The following TUSC3 variants were observed in gnomAD, a reference collection of about 807,000 sequenced individuals.
The protein encoded by TUSC3 is dolichyl-diphosphooligosaccharide--protein glycosyltransferase subunit TUSC3.
Under a neutral mutation model 44.8 loss-of-function variants are expected in TUSC3, and 45 were observed. That is an observed-to-expected ratio of 1.00 (90% CI 0.79 to 1.29). The LOEUF is 1.29. Ranked by LOEUF, TUSC3 falls within the 50% of genes most tolerant of loss-of-function variation. TUSC3 has a pLI of 0.00. For missense variants in TUSC3, 519 were observed against 437.9 expected (o/e 1.19, Z -1.65); for synonymous variants, 212 against 152.9 (o/e 1.39, Z -2.85).
intron 6 of TUSC3, among the ~76,000 whole-genome samples, chr8:15,718,683 C>A (rs949934613): frequency 2.6e-5 from 4 of 152,062 alleles, no homozygotes; most frequent in African/African-American, 9.6e-5. Context: ...ATTTTGGTGA[C>A]CTCTTTAATT....
intron 2 of TUSC3, among the ~76,000 whole-genome samples, chr8:15,492,175 G>C (rs1030563912): frequency 1.3e-5 from 2 of 152,134 alleles, no homozygotes; most frequent in Admixed American, 6.5e-5. Context: ...TATGTGCAGG[G>C]GGTTGTGGAG....
At chr8:15,493,912 A>C (rs1168274900) in intron 2 of TUSC3, among the ~76,000 whole-genome samples, 1 of 152,204 alleles carries the variant, frequency 6.6e-6, no homozygotes, top group Non-Finnish European at 1.5e-5. Flanking sequence ...TCCACTAAAA[A>C]GACCAATAAA....
intron 1 of TUSC3, among the ~76,000 whole-genome samples, chr8:15,562,868 A>G (rs1802530806): frequency 6.6e-6 from 1 of 152,168 alleles, no homozygotes; most frequent in Admixed American, 6.5e-5. Context: ...AGGCTAATCC[A>G]GGATAATCTC....
chr8:15,578,376 C>G (rs1473915041), intron 1 of TUSC3, among the ~76,000 whole-genome samples: 2 of 122,524 alleles, frequency 1.6e-5, no homozygotes. Context: ...TGAGAGAGGG[C>G]ATCCCTGTCT....
intron 1 of TUSC3, among the ~76,000 whole-genome samples, chr8:15,441,065 T>G (rs1036390554): frequency 1.3e-5 from 2 of 152,224 alleles, no homozygotes; most frequent in African/African-American, 4.8e-5. Context: ...TTTCTTTCAT[T>G]TGCAACTAAA....
At chr8:15,833,453 T>G in the TUSC3 span, among the ~76,000 whole-genome samples, 2 of 152,144 alleles carry the variant, frequency 1.3e-5, no homozygotes, top group African/African-American at 4.8e-5. Flanking sequence ...GACAAGGAAT[T>G]AACCTAAATG....
chr8:15,751,284 C>T (rs1238038781), intron 9 of TUSC3, among the ~76,000 whole-genome samples: 1 of 152,136 alleles, frequency 6.6e-6, no homozygotes, highest in East Asian at 1.9e-4. Flanking sequence ...AGCTAGGTGT[C>T]TCAGATGTTG....
chr8:15,708,722 T>G (rs1246536684), intron 6 of TUSC3, among the ~76,000 whole-genome samples: 1 of 151,922 alleles, frequency 6.6e-6, no homozygotes, highest in Non-Finnish European at 1.5e-5. Context: ...CTGTCTAGCA[T>G]TAGTCTAGAT....
intron 5 of TUSC3, among the ~76,000 whole-genome samples, chr8:15,666,879 CAG>C (rs1274864927): frequency 1.3e-5 from 2 of 151,446 alleles, no homozygotes; most frequent in Non-Finnish European, 1.5e-5. Context: ...GTTAGGAAAA[CAG>C]AAAATAAAAT....
chr8:15,496,174 T>C (rs868020722), intron 2 of TUSC3, among the ~76,000 whole-genome samples: 2 of 152,174 alleles, frequency 1.3e-5, no homozygotes, highest in Admixed American at 6.5e-5. Flanking sequence ...TGATGTACTC[T>C]CTGGGTCTCA....
At chr8:15,434,505 A>T (rs549553918) in intron 1 of TUSC3, among the ~76,000 whole-genome samples, 1 of 145,726 alleles carries the variant, frequency 6.9e-6, no homozygotes, top group South Asian at 2.2e-4. Context: ...GAAATATTCT[A>T]TGTGCTCAAA....
At chr8:15,535,219 T>C (rs1366127636) in intron 2 of TUSC3, among the ~76,000 whole-genome samples, 1 of 152,228 alleles carries the variant, frequency 6.6e-6, no homozygotes, top group Non-Finnish European at 1.5e-5. Context: ...TGAGACTATA[T>C]AGTTCTTGGA....
intron 2 of TUSC3, among the ~76,000 whole-genome samples, chr8:15,520,604 G>T (rs73536445): frequency 2.0e-5 from 3 of 152,114 alleles, no homozygotes; most frequent in Admixed American, 2.0e-4. Flanking sequence ...ACCAATATTT[G>T]TATTGCATGT....
chr8:15,576,451 C>T, intron 1 of TUSC3, among the ~76,000 whole-genome samples: 3 of 88,374 alleles, frequency 3.4e-5, no homozygotes, highest in Admixed American at 1.5e-4. Flanking sequence ...CCAATGCTAT[C>T]CCTCCCCCCC....
chr8:15,760,387 A>C (rs755912759), intron 10 of TUSC3, among the ~76,000 whole-genome samples: 1 of 152,172 alleles, frequency 6.6e-6, no homozygotes, highest in Admixed American at 6.6e-5. Flanking sequence ...ATTCTACAAT[A>C]TATATGATTT....
chr8:15,771,739 A>G, the TUSC3 span, among the ~76,000 whole-genome samples: 4 of 152,178 alleles, frequency 2.6e-5, no homozygotes, highest in Admixed American at 1.3e-4. Flanking sequence ...CATTTATGAG[A>G]TACACAAAAA....
chr8:15,524,953 C>T (rs1801354151), intron 2 of TUSC3, among the ~76,000 whole-genome samples: 1 of 152,160 alleles, frequency 6.6e-6, no homozygotes, highest in African/African-American at 2.4e-5. Context: ...AAAAGGGGGC[C>T]TCTGGCCTCT....
At chr8:15,627,429 G>A (rs899178210) in intron 2 of TUSC3, among the ~76,000 whole-genome samples, 2 of 152,254 alleles carry the variant, frequency 1.3e-5, no homozygotes, top group African/African-American at 4.8e-5. Context: ...TTGTTTGTGT[G>A]CTTCTTTCTT....
At chr8:15,587,853 A>G (rs1261106716) in intron 1 of TUSC3, among the ~76,000 whole-genome samples, 3 of 152,112 alleles carry the variant, frequency 2.0e-5, no homozygotes, top group Non-Finnish European at 4.4e-5. Flanking sequence ...AAAATTTAAG[A>G]TAATATTCTC....
Sources: allele counts gnomAD v4.1 joint callset (sites outside exome capture counted in the v4.1 genomes callset), GRCh38; gene constraint gnomAD v4.1.1; transcripts MANE v1.5; gene names NCBI Gene and HGNC (gene_info 2026-07-23, HGNC 2026-07-21).